The following LMNTD1 variants were observed in gnomAD, a reference collection of about 807,000 sequenced individuals.
LMNTD1 encodes lamin tail domain-containing protein 1.
Under a neutral mutation model 50.9 loss-of-function variants are expected in LMNTD1, and 35 were observed. That is an observed-to-expected ratio of 0.69 (90% confidence interval 0.53 to 0.91). The LOEUF is 0.91. Among genes scored for constraint, LMNTD1 ranks in the 40% least tolerant of loss-of-function variants. The pLI is 0.00. For missense variants in LMNTD1, 470 were observed against 475.5 expected (o/e 0.99, Z 0.11); for synonymous variants, 153 against 161.9 (o/e 0.94, Z 0.42).
chr12:25,524,224 A>G (rs1941551809), intron 6 of LMNTD1, among the ~76,000 whole-genome samples: 1 of 152,222 alleles, frequency 6.6e-6, no homozygotes, highest in Non-Finnish European at 1.5e-5. Context: ...GCAATTACTT[A>G]TTATTACATA....
intron 1 of LMNTD1, among the ~76,000 whole-genome samples, chr12:25,639,652 C>CA (rs1256727235): frequency 6.6e-6 from 1 of 152,062 alleles, no homozygotes; most frequent in Non-Finnish European, 1.5e-5. Context: ...CAGAAAATAG[C>CA]AAGTCTTGTT....
At chr12:25,526,712 G>T in intron 5 of LMNTD1, 57 bp downstream of exon 5, 2 of 1,185,830 alleles carry the variant, frequency 1.7e-6, no homozygotes, top group Non-Finnish European at 2.4e-6. Flanking sequence ...GACTGTCAGT[G>T]TCAACAAGTT....
At chr12:25,551,130 AGCAGAGAAAT>A (rs1227548158) in intron 2 of LMNTD1, among the ~76,000 whole-genome samples, 1 of 152,246 alleles carries the variant, frequency 6.6e-6, no homozygotes, top group African/African-American at 2.4e-5. Flanking sequence ...TGACTACAAC[AGCAGAGAAAT>A]GCAGAGAAAT....
At chr12:25,596,831 A>G (rs559290136) in intron 1 of LMNTD1, among the ~76,000 whole-genome samples, 2 of 152,250 alleles carry the variant, frequency 1.3e-5, no homozygotes, top group African/African-American at 2.4e-5. Flanking sequence ...AGGACGAACC[A>G]ATTCAAAATA....
At chr12:25,547,949 GA>G (rs1943527422) in intron 3 of LMNTD1, among the ~76,000 whole-genome samples, 1 of 151,768 alleles carries the variant, frequency 6.6e-6, no homozygotes, top group Admixed American at 6.6e-5. Flanking sequence ...ACCATAAGGG[GA>G]AGCCACTGTA....
At chr12:25,493,413 G>A (rs1938953312) in intron 9 of LMNTD1, among the ~76,000 whole-genome samples, 1 of 152,188 alleles carries the variant, frequency 6.6e-6, no homozygotes, top group Non-Finnish European at 1.5e-5. Context: ...CAAAGGTGGT[G>A]CGAGGAATTA....
At chr12:25,535,292 TA>T (rs1310565785) in intron 4 of LMNTD1, among the ~76,000 whole-genome samples, 2 of 151,650 alleles carry the variant, frequency 1.3e-5, no homozygotes, top group Non-Finnish European at 2.9e-5. Flanking sequence ...CATAAAAAGA[TA>T]AAAAATAACA....
intron 1 of LMNTD1, among the ~76,000 whole-genome samples, chr12:25,602,142 G>C (rs747886306): frequency 3.3e-5 from 5 of 151,832 alleles, no homozygotes; most frequent in Non-Finnish European, 5.9e-5. Flanking sequence ...AAGGGGTACT[G>C]ACTGGGCCAT....
intron 1 of LMNTD1, among the ~76,000 whole-genome samples, chr12:25,574,815 A>G (rs1277937372): frequency 6.6e-6 from 1 of 152,204 alleles, no homozygotes; most frequent in Non-Finnish European, 1.5e-5. Flanking sequence ...AAGTATTTGC[A>G]AAAAGAAGGA....
intron 9 of LMNTD1, among the ~76,000 whole-genome samples, chr12:25,478,322 C>A (rs996092201): frequency 1.3e-5 from 2 of 152,074 alleles, no homozygotes; most frequent in Non-Finnish European, 2.9e-5. Flanking sequence ...ATATAACTAT[C>A]CTTCATACAA....
chr12:25,486,541 G>A (rs1415432542), intron 9 of LMNTD1, among the ~76,000 whole-genome samples: 1 of 139,410 alleles, frequency 7.2e-6, no homozygotes, highest in African/African-American at 2.6e-5. Flanking sequence ...CCAATACCAT[G>A]TTGAATAGGA....
chr12:25,560,436 G>T (rs1487136016), intron 1 of LMNTD1, among the ~76,000 whole-genome samples: 1 of 152,096 alleles, frequency 6.6e-6, no homozygotes, highest in African/African-American at 2.4e-5. Context: ...TGCTGTTTTG[G>T]TTACTCTAGC....
At chr12:25,637,760 G>C (rs1457581477) in intron 1 of LMNTD1, among the ~76,000 whole-genome samples, 3 of 151,806 alleles carry the variant, frequency 2.0e-5, no homozygotes, top group Non-Finnish European at 1.5e-5. Context: ...TTAAAGATGG[G>C]TAAAGGATTT....
chr12:25,560,617 C>T (rs1270155300), intron 1 of LMNTD1, among the ~76,000 whole-genome samples: 1 of 152,176 alleles, frequency 6.6e-6, no homozygotes, highest in Non-Finnish European at 1.5e-5. Context: ...GGCATTGAAT[C>T]TATAAATTAC....
At chr12:25,542,580 G>A (rs1266809115) in intron 4 of LMNTD1, among the ~76,000 whole-genome samples, 1 of 120,700 alleles carries the variant, frequency 8.3e-6, no homozygotes, top group Non-Finnish European at 1.7e-5. Flanking sequence ...GTGGGGTGGG[G>A]GGAGGGGGAA....
intron 1 of LMNTD1, among the ~76,000 whole-genome samples, chr12:25,647,876 G>A (rs992143297): frequency 8.5e-5 from 13 of 152,216 alleles, no homozygotes; most frequent in African/African-American, 2.6e-4. Context: ...GTCAAATAAC[G>A]TTCAAAATTG....
intron 1 of LMNTD1, among the ~76,000 whole-genome samples, chr12:25,634,281 A>C (rs1238628348): frequency 6.6e-6 from 1 of 152,176 alleles, no homozygotes; most frequent in African/African-American, 2.4e-5. Flanking sequence ...TACCAATCCT[A>C]TTGACACTAT....
At chr12:25,480,420 C>T (rs751068756) in intron 9 of LMNTD1, among the ~76,000 whole-genome samples, 1 of 152,176 alleles carries the variant, frequency 6.6e-6, no homozygotes, top group Admixed American at 6.5e-5. Context: ...TGTGGCCTAG[C>T]AGCAGCCCTA....
chr12:25,574,885 T>A (rs555120674), intron 1 of LMNTD1, among the ~76,000 whole-genome samples: 1 of 152,286 alleles, frequency 6.6e-6, no homozygotes, highest in Admixed American at 6.5e-5. Context: ...AAATTACATC[T>A]TGATGAAATT....
Sources: allele counts gnomAD v4.1 joint callset (sites outside exome capture counted in the v4.1 genomes callset), GRCh38; gene constraint gnomAD v4.1.1; transcripts MANE v1.5; gene names NCBI Gene and HGNC (gene_info 2026-07-23, HGNC 2026-07-21).